Variants in IL1RAPL1 observed in about 807,000 individuals in gnomAD.
The protein encoded by IL1RAPL1 is interleukin 1 receptor accessory protein like 1.
A neutral mutation model predicts 48.4 loss-of-function variants in IL1RAPL1; 3 were observed. That is an observed-to-expected ratio of 0.06 (90% CI 0.03 to 0.16). The LOEUF (loss-of-function observed/expected upper bound fraction) is 0.16, where lower values mean the gene tolerates loss of function less well. Among genes scored for constraint, IL1RAPL1 ranks in the 10% least tolerant of loss-of-function variants. The pLI is 1.00. For synonymous variants in IL1RAPL1, 185 were observed against 187.7 expected (o/e 0.99, Z 0.12); for missense variants, 349 against 530.6 (o/e 0.66, Z 3.36).
At chrX:29,083,866 G>A (rs1164744188) in intron 2 of IL1RAPL1, among the ~76,000 whole-genome samples, 2 of 111,725 alleles carry the variant, frequency 1.8e-5, no homozygotes, top group Non-Finnish European at 1.9e-5. Context: ...CAAAAATTGT[G>A]TGAAGGCAAA....
At chrX:29,788,260 C>T (rs1445654243) in intron 6 of IL1RAPL1, among the ~76,000 whole-genome samples, 1 of 111,610 alleles carries the variant, frequency 9.0e-6, no homozygotes, top group African/African-American at 3.3e-5. Flanking sequence ...TGTGCTACGT[C>T]AGTGAACAAA....
At position 28,819,983 on chromosome X, in the gene IL1RAPL1, T is replaced by TATATAC. The variant is rs1166407385; in HGVS notation, c.82+30563_82+30564insCATATA. On this transcript the variant is annotated intron_variant, in intron 2 of 10. Coordinates refer to ENST00000378993, the MANE Select transcript of IL1RAPL1 (RefSeq NM_014271.4). ...AAACATAGTGATATATATATATATA[T>TATATAC]ATATATATATATATATATATATATA... 3.7e-4 allele frequency among the ~76,000 whole-genome samples: 26 copies of TATATAC among 69,493 alleles called. No homozygotes were observed. In the East Asian group the frequency reaches 9.4e-3, roughly 25 times the overall value. 60.3% of individuals were successfully genotyped at this position (69,493 alleles called of 115,157 possible). A position where few individuals can be genotyped will look rare whatever the true frequency, so the allele number is the denominator to read the frequency against.
intron 2 of IL1RAPL1, among the ~76,000 whole-genome samples, chrX:28,916,281 C>G (rs1019265830): frequency 9.0e-6 from 1 of 111,144 alleles, no homozygotes; most frequent in Non-Finnish European, 1.9e-5. Flanking sequence ...ATTCTTAGGT[C>G]AATTCTTGCT....
At chrX:28,853,490 C>CGT (rs1921722909) in intron 2 of IL1RAPL1, among the ~76,000 whole-genome samples, 3 of 104,462 alleles carry the variant, frequency 2.9e-5, no homozygotes, top group African/African-American at 1.0e-4. Context: ...TGTGTGTGCG[C>CGT]GCGCACACAC....
chrX:29,468,191 T>C (rs1479044891), intron 5 of IL1RAPL1, among the ~76,000 whole-genome samples: 4 of 113,030 alleles, frequency 3.5e-5, no homozygotes, highest in African/African-American at 1.3e-4. Flanking sequence ...GCTTAATTAT[T>C]ACTTTTAATT....
At chrX:28,771,932 C>T (rs1226999856) in intron 1 of IL1RAPL1, among the ~76,000 whole-genome samples, 2 of 57,702 alleles carry the variant, frequency 3.5e-5, no homozygotes, top group African/African-American at 8.3e-5. Flanking sequence ...AGCGAGACTC[C>T]GTCTCAAAAA....
chrX:28,811,253 A>C, intron 2 of IL1RAPL1, among the ~76,000 whole-genome samples: 1 of 110,786 alleles, frequency 9.0e-6, no homozygotes, highest in South Asian at 3.8e-4. Flanking sequence ...AATGCATATA[A>C]AGTAAGAGCA....
At chrX:28,847,602 G>T (rs1005447851) in intron 2 of IL1RAPL1, among the ~76,000 whole-genome samples, 3 of 110,689 alleles carry the variant, frequency 2.7e-5, no homozygotes, top group Non-Finnish European at 5.7e-5. Flanking sequence ...AGGGCACAAG[G>T]CTCCTCTGTT....
intron 5 of IL1RAPL1, among the ~76,000 whole-genome samples, chrX:29,582,787 C>T: frequency 1.7e-5 from 1 of 58,906 alleles, no homozygotes; most frequent in Non-Finnish European, 3.2e-5. Context: ...TTAATCCAGT[C>T]TATCATTGTT....
intron 2 of IL1RAPL1, among the ~76,000 whole-genome samples, chrX:29,074,071 C>T (rs747751160): frequency 1.8e-5 from 2 of 111,844 alleles, no homozygotes; most frequent in Non-Finnish European, 3.8e-5. Context: ...AAATGCTGAA[C>T]ACAGTATATC....
At chrX:29,367,915 AT>A (rs1569296272) in intron 3 of IL1RAPL1, among the ~76,000 whole-genome samples, 1 of 109,561 alleles carries the variant, frequency 9.1e-6, no homozygotes. Flanking sequence ...TTATATATAT[AT>A]CTTTATACAA....
At chrX:29,111,667 A>ATAT (rs1421483832) in intron 2 of IL1RAPL1, among the ~76,000 whole-genome samples, 8 of 111,591 alleles carry the variant, frequency 7.2e-5, no homozygotes, top group African/African-American at 2.6e-4. Flanking sequence ...AGGCGATGCC[A>ATAT]TATTATTTTC....
At chrX:29,807,472 G>A (rs778026784) in intron 6 of IL1RAPL1, among the ~76,000 whole-genome samples, 4 of 107,379 alleles carry the variant, frequency 3.7e-5, no homozygotes, top group East Asian at 5.8e-4. Context: ...AAAATTAGCC[G>A]GGCATGGTGG....
At chrX:29,716,285 C>G (rs1248423310) in intron 6 of IL1RAPL1, among the ~76,000 whole-genome samples, 3 of 111,135 alleles carry the variant, frequency 2.7e-5, no homozygotes, top group Non-Finnish European at 5.7e-5. Context: ...AAATAACTCT[C>G]TTTGGCTGAG....
intron 6 of IL1RAPL1, among the ~76,000 whole-genome samples, chrX:29,882,607 A>G (rs1932054161): frequency 9.0e-6 from 1 of 111,690 alleles, no homozygotes. Context: ...AGGTGGACCT[A>G]TACAATACAT....
At chrX:28,659,461 A>G in intron 1 of IL1RAPL1, 1 of 516,665 alleles carries the variant, frequency 1.9e-6, no homozygotes, top group South Asian at 2.5e-5. Context: ...TCAGCTTTGT[A>G]GGAGCCATGA....
intron 5 of IL1RAPL1, among the ~76,000 whole-genome samples, chrX:29,613,167 A>G (rs756364868): frequency 8.9e-6 from 1 of 112,766 alleles, no homozygotes; most frequent in South Asian, 3.6e-4. Flanking sequence ...TCACATTAAA[A>G]ATCACGTACT....
At chrX:29,004,288 A>T (rs1925925708) in intron 2 of IL1RAPL1, among the ~76,000 whole-genome samples, 1 of 112,740 alleles carries the variant, frequency 8.9e-6, no homozygotes, top group South Asian at 3.6e-4. Flanking sequence ...CAGGTTTTAG[A>T]AATCAAATTT....
intron 6 of IL1RAPL1, among the ~76,000 whole-genome samples, chrX:29,906,028 G>T (rs1397522143): frequency 1.8e-5 from 2 of 110,692 alleles, no homozygotes; most frequent in Non-Finnish European, 3.8e-5. Flanking sequence ...GAGAGAATTT[G>T]TACCCCTATC....
Sources: allele counts gnomAD v4.1 joint callset (sites outside exome capture counted in the v4.1 genomes callset), GRCh38; gene constraint gnomAD v4.1.1; transcripts MANE v1.5; gene names NCBI Gene and HGNC (gene_info 2026-07-23, HGNC 2026-07-21).